Variants in DOCK9 observed in about 807,000 individuals in gnomAD.
DOCK9 encodes the protein dedicator of cytokinesis 9.
In DOCK9, 89 loss-of-function variants were observed where a neutral mutation model predicts 263.3. The observed-to-expected ratio is 0.34, with a 90% CI of 0.28 to 0.40. The LOEUF is 0.40. Among genes scored for constraint, DOCK9 ranks in the 10% least tolerant of loss-of-function variants. The pLI is 1.00. For missense variants in DOCK9, 2,140 were observed against 2,603.4 expected (o/e 0.82, Z 3.87); for synonymous variants, 976 against 973.1 (o/e 1.00, Z -0.06).
intron 2 of DOCK9, among the ~76,000 whole-genome samples, chr13:98,954,039 C>T (rs1210055739): frequency 6.7e-6 from 1 of 148,946 alleles, no homozygotes; most frequent in Admixed American, 6.7e-5. Context: ...CTTCAAGGAT[C>T]GTAATTTAAC....
intron 1 of DOCK9, among the ~76,000 whole-genome samples, chr13:99,073,370 C>CCT (rs146373817): frequency 1.5e-4 from 23 of 149,904 alleles, no homozygotes; most frequent in African/African-American, 3.7e-4. Flanking sequence ...TTCTCTCTCT[C>CCT]CTCTCTCTCT....
intron 35 of DOCK9, among the ~76,000 whole-genome samples, chr13:98,851,108 C>T (rs760717040): frequency 6.6e-6 from 1 of 152,184 alleles, no homozygotes; most frequent in African/African-American, 2.4e-5. Context: ...CACTGTACTA[C>T]GTGCTCTCAC....
chr13:99,033,695 G>A (rs1887580976), intron 1 of DOCK9, among the ~76,000 whole-genome samples: 1 of 152,198 alleles, frequency 6.6e-6, no homozygotes, highest in Non-Finnish European at 1.5e-5. Context: ...TGAGGACACT[G>A]AGGCTTAAAG....
chr13:98,861,969 C>T (rs1364164756), intron 32 of DOCK9, among the ~76,000 whole-genome samples: 1 of 152,148 alleles, frequency 6.6e-6, no homozygotes, highest in Non-Finnish European at 1.5e-5. Context: ...CTGTGCAGCA[C>T]GTTACTGTTA....
intron 1 of DOCK9, among the ~76,000 whole-genome samples, chr13:99,068,697 G>C (rs1255997427): frequency 6.6e-6 from 1 of 151,052 alleles, no homozygotes; most frequent in East Asian, 1.9e-4. Context: ...TTTAACAGCA[G>C]TTACTTTCGA....
At position 98,922,034 on chromosome 13, in the gene DOCK9, G is replaced by T. The variant is rs1289361987; in HGVS notation, c.582+17C>A. On this transcript the variant is annotated intron_variant, in intron 6 of 52. Transcript: ENST00000682017. The stretch of plus-strand genomic sequence containing the variant: ...AGGGCTTGTGAGAGGGGAGGGCAAA[G>T]TGATGTGCGTCCTCACCCTCATGGT... 1 of 1,566,872 alleles carries T rather than the reference G, an allele frequency of 6.4e-7. No individual in the cohort carries two copies. Among genetic ancestry groups the T allele is most frequent in the Admixed American group, 1.8e-5 (1 of 55,402 alleles).
At chr13:98,831,134 A>G (rs1343170360) in intron 41 of DOCK9, among the ~76,000 whole-genome samples, 1 of 152,224 alleles carries the variant, frequency 6.6e-6, no homozygotes, top group Admixed American at 6.5e-5. Context: ...TTCAATATTT[A>G]AATGTCAATT....
At chr13:98,968,465 CA>C (rs1008333089) in intron 1 of DOCK9, among the ~76,000 whole-genome samples, 4 of 151,998 alleles carry the variant, frequency 2.6e-5, no homozygotes, top group African/African-American at 9.7e-5. Context: ...ACTAAAAATA[CA>C]AAAACCAGCC....
chr13:98,909,559 T>A (rs943213635), intron 9 of DOCK9, among the ~76,000 whole-genome samples: 2 of 152,178 alleles, frequency 1.3e-5, no homozygotes, highest in African/African-American at 4.8e-5. Flanking sequence ...ATATAATCTT[T>A]AATTTAAAGA....
chr13:98,953,483 C>T (rs997208802), intron 2 of DOCK9, among the ~76,000 whole-genome samples: 4 of 152,192 alleles, frequency 2.6e-5, no homozygotes, highest in Admixed American at 1.3e-4. Context: ...AACTGTATCT[C>T]GTTTCTTTGG....
At chr13:98,984,546 T>A (rs916070860) in intron 1 of DOCK9, among the ~76,000 whole-genome samples, 5 of 152,368 alleles carry the variant, frequency 3.3e-5, no homozygotes, top group African/African-American at 9.6e-5. Context: ...ATGTAACTAC[T>A]GATTACCTCT....
At chr13:98,932,873 T>G (rs2054188725) in intron 2 of DOCK9, among the ~76,000 whole-genome samples, 1 of 152,162 alleles carries the variant, frequency 6.6e-6, no homozygotes, top group African/African-American at 2.4e-5. Context: ...GACTTCTTTG[T>G]AAGTATTACA....
chr13:98,897,737 T>A, intron 14 of DOCK9, 127 bp from the exon 15 acceptor site: 1 of 1,330,358 alleles, frequency 7.5e-7, no homozygotes, highest in South Asian at 1.4e-5. Flanking sequence ...GAAATCTCAT[T>A]ATCTAAAAAC....
chr13:99,019,566 T>A (rs1885828207), intron 1 of DOCK9, among the ~76,000 whole-genome samples: 1 of 152,146 alleles, frequency 6.6e-6, no homozygotes, highest in East Asian at 1.9e-4. Flanking sequence ...CATCCCCCAA[T>A]AATCATCACC....
chr13:98,814,977 A>AC (rs55948659), intron 45 of DOCK9, among the ~76,000 whole-genome samples: 1 of 96,454 alleles, frequency 1.0e-5, no homozygotes. Context: ...AAATAAAATA[A>AC]AATAAAATAA....
intron 1 of DOCK9, among the ~76,000 whole-genome samples, chr13:99,003,152 C>G (rs1278765315): frequency 6.6e-6 from 1 of 152,172 alleles, no homozygotes; most frequent in Non-Finnish European, 1.5e-5. Flanking sequence ...GGATGGTGTG[C>G]ACATAACATA....
chr13:99,040,937 T>C (rs890949209), intron 1 of DOCK9, among the ~76,000 whole-genome samples: 1 of 151,930 alleles, frequency 6.6e-6, no homozygotes, highest in Non-Finnish European at 1.5e-5. Context: ...ATTTGAAGAG[T>C]TGGTTTTCTG....
At chr13:98,854,336 A>G (rs1167080713) in intron 34 of DOCK9, among the ~76,000 whole-genome samples, 2 of 152,130 alleles carry the variant, frequency 1.3e-5, no homozygotes, top group African/African-American at 4.8e-5. Flanking sequence ...CAAATATCAA[A>G]GCAAAAACAA....
At position 98,829,213 on chromosome 13, in the gene DOCK9, A is replaced by T; in HGVS notation, c.4965+94T>A. On this transcript the variant is annotated intron_variant, in intron 43 of 52. Coordinates refer to ENST00000682017, the MANE Select transcript of DOCK9 (RefSeq NM_001366683.2). This position sits in a 1 kb window ranked among gnomAD's most constrained non-coding sequence, Gnocchi z 4.1. ...GCATACTTTTAATTGGTTTTTGATTAATGGAATAACTTTTCTCAAAACTGG... is the reference window on the plus strand; with the variant it reads ...GCATACTTTTAATTGGTTTTTGATTTATGGAATAACTTTTCTCAAAACTGG... 1 of 1,170,346 alleles carries T rather than the reference A, an allele frequency of 8.5e-7. No homozygotes were observed. The highest frequency in any genetic ancestry group is 1.2e-6 in the Non-Finnish European group (1 of 836,478). 72.5% of individuals were successfully genotyped at this position (1,170,346 alleles called of 1,614,324 possible). A position where few individuals can be genotyped will look rare whatever the true frequency, so the allele number is the denominator to read the frequency against.
Sources: allele counts gnomAD v4.1 joint callset (sites outside exome capture counted in the v4.1 genomes callset), GRCh38; gene constraint gnomAD v4.1.1; non-coding constraint Gnocchi (gnomAD v3.1); transcripts MANE v1.5; gene names NCBI Gene and HGNC (gene_info 2026-07-23, HGNC 2026-07-21).